The following VAC14 variants were observed in gnomAD, a reference collection of about 807,000 sequenced individuals.
The protein encoded by VAC14 is VAC14 component of PIKFYVE complex.
A neutral mutation model predicts 85.3 loss-of-function variants in VAC14; 47 were observed. That is an observed-to-expected ratio of 0.55 (90% confidence interval 0.44 to 0.70). The LOEUF is 0.70. Among genes scored for constraint, VAC14 ranks in the 30% least tolerant of loss-of-function variants. The pLI is 0.00. For synonymous variants in VAC14, 447 were observed against 430.5 expected, an observed-to-expected ratio of 1.04 and a Z score of -0.47; for missense variants, 861 against 1,004.3, an observed-to-expected ratio of 0.86 and a Z score of 1.93.
chr16:70,756,160 G>A (rs1485928740), intron 12 of VAC14: 1 of 451,922 alleles, frequency 2.2e-6, no homozygotes, highest in African/African-American at 2.0e-5. Flanking sequence ...GTGATACACA[G>A]GGCTGCTTCT....
At chr16:70,710,079 C>T (rs553833591) in intron 14 of VAC14, among the ~76,000 whole-genome samples, 1 of 152,356 alleles carries the variant, frequency 6.6e-6, no homozygotes, top group East Asian at 1.9e-4. Context: ...GCTTCCTGGC[C>T]CTGCCTGCCC....
At chr16:70,754,926 G>C (rs566143460) in intron 12 of VAC14, among the ~76,000 whole-genome samples, 2 of 152,208 alleles carry the variant, frequency 1.3e-5, no homozygotes, top group African/African-American at 4.8e-5. Context: ...GTCCGCTTCT[G>C]AGCAGGCAGC....
intron 14 of VAC14, among the ~76,000 whole-genome samples, chr16:70,730,437 A>G (rs190235826): frequency 3.3e-5 from 5 of 151,848 alleles, no homozygotes; most frequent in Admixed American, 2.6e-4. Context: ...CTTGCCTTGA[A>G]GCCCCATACA....
intron 13 of VAC14, among the ~76,000 whole-genome samples, chr16:70,742,371 CTCTT>C (rs2030411709): frequency 6.8e-6 from 1 of 147,074 alleles, no homozygotes; most frequent in Non-Finnish European, 1.5e-5. Context: ...ATCCTTTTCT[CTCTT>C]CCTTTCCTAC....
intron 12 of VAC14, chr16:70,761,006 TGTGTGTGTGTGTGCATGGGGGG>T (rs1251951320): frequency 2.5e-5 from 8 of 322,272 alleles, no homozygotes; most frequent in African/African-American, 1.4e-4. Flanking sequence ...TGTGTGTGTG[TGTGTGTGTGTGTGCATGGGGGG>T]GCGGGGGGTA....
At chr16:70,796,487 G>C (rs1034441111) in intron 1 of VAC14, among the ~76,000 whole-genome samples, 11 of 152,264 alleles carry the variant, frequency 7.2e-5, no homozygotes, top group Admixed American at 5.9e-4. Flanking sequence ...TTCTGGTAGG[G>C]AAAACCAGTC....
chr16:70,759,934 G>A (rs2032185309), intron 12 of VAC14, among the ~76,000 whole-genome samples: 1 of 152,146 alleles, frequency 6.6e-6, no homozygotes, highest in South Asian at 2.1e-4. Flanking sequence ...CAGGTCATGT[G>A]ACCTCCTCAG....
chr16:70,688,324 C>G, intron 18 of VAC14: 1 of 1,185,234 alleles, frequency 8.4e-7, no homozygotes, highest in Non-Finnish European at 1.0e-6. Context: ...GGCTATTGCC[C>G]TCGGCCTGTG....
intron 14 of VAC14, chr16:70,699,664 G>C (rs911359835): frequency 2.0e-5 from 3 of 152,254 alleles, no homozygotes; most frequent in African/African-American, 7.2e-5. Context: ...GGTGAGGACA[G>C]GCTTGGAGGA....
intron 15 of VAC14, among the ~76,000 whole-genome samples, 163 bp from the exon 16 acceptor site, chr16:70,697,420 A>G (rs1318089649): frequency 6.6e-6 from 1 of 152,186 alleles, no homozygotes; most frequent in East Asian, 1.9e-4. Flanking sequence ...AGCCGTCACA[A>G]AGGAAATGCT....
chr16:70,784,359 G>C, intron 4 of VAC14, 139 bp from the exon 5 acceptor site: 1 of 655,398 alleles, frequency 1.5e-6, no homozygotes, highest in South Asian at 1.8e-5. Context: ...GGCATAAGAG[G>C]TCTCTGGAGT....
intron 18 of VAC14, chr16:70,691,343 C>G: frequency 1.0e-6 from 1 of 985,374 alleles, no homozygotes; most frequent in Non-Finnish European, 1.2e-6. Flanking sequence ...CTTCCTGCCT[C>G]CTCCCTGCTT....
chr16:70,789,505 G>A lies in VAC14; in HGVS notation c.105-3140C>T, dbSNP rs139778661. On this transcript the variant is annotated intron_variant, in intron 1 of 18. Coordinates refer to ENST00000261776, the MANE Select transcript of VAC14 (RefSeq NM_018052.5). ...GTGCGCACACAGCTGCTCACATCTG[G>A]GGCATTGGTGGTTCAGTGGTAGAAT... 5.6e-4 allele frequency among the ~76,000 whole-genome samples: 86 copies of A among 152,304 alleles called. 2 individuals are homozygous for A. The South Asian group carries it at 0.014, about 25-fold the overall frequency.
chr16:70,729,695 T>C (rs1396751673), intron 14 of VAC14, among the ~76,000 whole-genome samples: 5 of 152,012 alleles, frequency 3.3e-5, no homozygotes, highest in African/African-American at 4.8e-5. Flanking sequence ...CTGGAACACG[T>C]AGGGTTCAGC....
At chr16:70,761,830 C>T (rs2032410688) in intron 12 of VAC14, among the ~76,000 whole-genome samples, 1 of 152,230 alleles carries the variant, frequency 6.6e-6, no homozygotes, top group South Asian at 2.1e-4. Context: ...ATGAGTAACA[C>T]AACCAACGCT....
intron 13 of VAC14, among the ~76,000 whole-genome samples, chr16:70,742,300 C>T (rs999307817): frequency 6.6e-6 from 1 of 152,164 alleles, no homozygotes; most frequent in Admixed American, 6.5e-5. Context: ...GGCTGCTGCC[C>T]GTCTTCCGGT....
At chr16:70,793,129 G>A (rs1398670080) in intron 1 of VAC14, among the ~76,000 whole-genome samples, 3 of 152,168 alleles carry the variant, frequency 2.0e-5, no homozygotes, top group Non-Finnish European at 4.4e-5. Flanking sequence ...CAAGTGAAAC[G>A]TAGCTTTCTC....
intron 14 of VAC14, among the ~76,000 whole-genome samples, chr16:70,723,765 A>G (rs1339722018): frequency 6.6e-6 from 1 of 152,124 alleles, no homozygotes; most frequent in Non-Finnish European, 1.5e-5. Context: ...TGTGCAGACA[A>G]CAAAGAACGT....
At chr16:70,785,956 C>T (rs954130783) in intron 2 of VAC14, 87 bp from the exon 3 acceptor site, 56 of 1,454,010 alleles carry the variant, frequency 3.9e-5, no homozygotes, top group Non-Finnish European at 5.1e-5. Flanking sequence ...ATCCCAGCTC[C>T]CTTGAAGGTG....
Sources: gnomAD v4.1 joint callset for allele counts (sites outside exome capture counted in the v4.1 genomes callset) on GRCh38, gnomAD v4.1.1 for gene constraint, MANE v1.5 for transcripts, NCBI Gene and HGNC (gene_info 2026-07-23, HGNC 2026-07-21) for gene names.